The following SPARC variants were observed in gnomAD, a reference collection of about 807,000 sequenced individuals.
SPARC encodes basement-membrane protein 40.
SPARC carries 23 observed loss-of-function variants against 37.7 expected under a neutral mutation model. The observed-to-expected ratio is 0.61, with a 90% CI of 0.44 to 0.87. The LOEUF is 0.87. Among genes scored for constraint, SPARC ranks in the 40% least tolerant of loss-of-function variants. The probability of loss-of-function intolerance (pLI) is 0.00; values close to 1 mark genes in which losing one functional copy is unlikely to be tolerated. For synonymous variants in SPARC, 155 were observed against 150.8 expected, an observed-to-expected ratio of 1.03 and a Z score of -0.20; for missense variants, 312 against 389.0, an observed-to-expected ratio of 0.80 and a Z score of 1.66.
chr5:151,667,710 G>T, intron 6 of SPARC, 110 bp from the exon 7 acceptor site: 1 of 1,239,288 alleles, frequency 8.1e-7, no homozygotes, highest in Non-Finnish European at 1.1e-6. Context: ...TTGGCACAGT[G>T]GCTCAACCTC....
chr5:151,685,190 C>G (rs915067919), intron 1 of SPARC: 1 of 152,158 alleles, frequency 6.6e-6, no homozygotes. Context: ...CCTCCCTCCC[C>G]CTCTTTGCTC....
At chr5:151,680,214 A>ATTTTTTT (rs1258425937) in intron 1 of SPARC, among the ~76,000 whole-genome samples, 11 of 89,980 alleles carry the variant, frequency 1.2e-4, no homozygotes, top group African/African-American at 2.9e-4. Flanking sequence ...AGTGGAAAAC[A>ATTTTTTT]TCTTTTTTTT....
At chr5:151,682,187 G>T (rs1581532273) in intron 1 of SPARC, among the ~76,000 whole-genome samples, 1 of 152,296 alleles carries the variant, frequency 6.6e-6, no homozygotes, top group Non-Finnish European at 1.5e-5. Flanking sequence ...CTTTTAAGGT[G>T]TGGTAGCTAA....
At chr5:151,672,999 C>A in intron 4 of SPARC, 130 bp downstream of exon 4, 1 of 721,126 alleles carries the variant, frequency 1.4e-6, no homozygotes, top group Admixed American at 1.9e-5. Flanking sequence ...AGCCGTGTTT[C>A]CTTCATAGCC....
chr5:151,680,111 T>C (rs767646838), intron 1 of SPARC, among the ~76,000 whole-genome samples: 1 of 152,052 alleles, frequency 6.6e-6, no homozygotes, highest in Non-Finnish European at 1.5e-5. Context: ...TTTTAACCAA[T>C]TTTTTTATTT....
Position 151,673,152 on chromosome 5 carries a change from G to C in SPARC, c.185C>G (p.Thr62Ser), listed in dbSNP as rs1408810385. 6.2e-7 allele frequency: 1 copy of C among 1,613,846 alleles called. No homozygotes were observed. Among genetic ancestry groups the C allele is most frequent in the East Asian group, 2.2e-5 (1 of 44,874 alleles). Reference sequence around the variant, plus strand: ...ACTTTCCGCCACCACCTCCTCTTCGGTTTCCTCTGCACCATCATCAAATTC... The same window carrying C: ...ACTTTCCGCCACCACCTCCTCTTCGCTTTCCTCTGCACCATCATCAAATTC... ...VGEFDDGAEE[T>S]EEEVVAENPC... Residue 62 changes from threonine (T) to serine (S), a missense_variant, in exon 4 of 10, where the codon ACC (threonine) becomes AGC (serine). Coordinates refer to ENST00000231061, the MANE Select transcript of SPARC (RefSeq NM_003118.4).
chr5:151,672,702 A>G (rs1351770083), intron 4 of SPARC: 1 of 196,190 alleles, frequency 5.1e-6, no homozygotes, highest in Non-Finnish European at 1.1e-5. Context: ...TGTGAAATAG[A>G]ATGAGCTTAT....
At chr5:151,680,747 TG>T (rs1760969979) in intron 1 of SPARC, among the ~76,000 whole-genome samples, 1 of 152,128 alleles carries the variant, frequency 6.6e-6, no homozygotes, top group Non-Finnish European at 1.5e-5. Flanking sequence ...TGTTCCCCAA[TG>T]TGTAAAATGG....
rs1267274879 is a variant in SPARC at position 151,676,206 on chromosome 5, G to A, written c.-13-5C>T. On this transcript the variant is annotated splice_polypyrimidine_tract_variant and splice_region_variant and intron_variant, in intron 1 of 9. Coordinates refer to ENST00000231061, the MANE Select transcript of SPARC (RefSeq NM_003118.4). ...GCCCTCATGGTGCTGGGAACCCTATGGGGAGGAGAGATTGAGAGTTCAGTG... is the reference window on the plus strand; with the variant it reads ...GCCCTCATGGTGCTGGGAACCCTATAGGGAGGAGAGATTGAGAGTTCAGTG... 6.2e-7 allele frequency: 1 copy of A among 1,605,694 alleles called. No individual in the cohort carries two copies. The highest frequency in any genetic ancestry group is 2.2e-5 in the East Asian group (1 of 44,760).
chr5:151,669,698 G>A lies in SPARC; in HGVS notation c.417C>T (p.His139=), dbSNP rs1485375628. 4 of 1,614,072 alleles carry A rather than the reference G, an allele frequency of 2.5e-6. No homozygotes were observed. Among genetic ancestry groups the A allele is most frequent in the Non-Finnish European group, 3.4e-6 (4 of 1,180,030 alleles). Residue 139 remains histidine, a synonymous_variant, in exon 6 of 10, where the codon CAC becomes CAT. Coordinates refer to ENST00000231061, the MANE Select transcript of SPARC (RefSeq NM_003118.4). ...KCTLEGTKKG[H]KLHLDYIGPC... ...GCCCGATGTAGTCCAGGTGGAGCTTGTGGCCCTTCTTGGTGCCCTCCAGGG... is the reference window on the plus strand; with the variant it reads ...GCCCGATGTAGTCCAGGTGGAGCTTATGGCCCTTCTTGGTGCCCTCCAGGG...
chr5:151,663,750 C>A (rs557337074), intron 9 of SPARC, 151 bp from the exon 10 acceptor site: 26 of 742,400 alleles, frequency 3.5e-5, no homozygotes, highest in Non-Finnish European at 6.0e-5. Flanking sequence ...GGAGGAATCT[C>A]GCTCTCTCTG....
intron 6 of SPARC, among the ~76,000 whole-genome samples, chr5:151,669,335 G>T (rs953967101): frequency 9.9e-5 from 15 of 152,190 alleles, no homozygotes; most frequent in Admixed American, 2.6e-4. Context: ...AAGCAAGAAA[G>T]ATTCAACTTA....
intron 2 of SPARC, 93 bp from the exon 3 acceptor site, chr5:151,674,767 G>T: frequency 8.2e-7 from 1 of 1,220,116 alleles, no homozygotes; most frequent in Non-Finnish European, 1.2e-6. Context: ...GGCTAGGGGA[G>T]CTTGGAGAGC....
At chr5:151,683,855 GCA>G (rs1761067052) in intron 1 of SPARC, among the ~76,000 whole-genome samples, 1 of 152,136 alleles carries the variant, frequency 6.6e-6, no homozygotes, top group Non-Finnish European at 1.5e-5. Context: ...CTGTAATGAG[GCA>G]CTTATTTTTA....
rs925814117 is a variant in SPARC at position 151,664,949 on chromosome 5, A to T, written c.735-714T>A. ...TTTTCTTTGTTTCCCAGAGCCCCCA[A>T]CTACTTGTCCCTAAAGATCCACAAA... On this transcript the variant is annotated intron_variant, in intron 8 of 9. Coordinates refer to ENST00000231061, the MANE Select transcript of SPARC (RefSeq NM_003118.4). 4.6e-5 allele frequency among the ~76,000 whole-genome samples: 7 copies of T among 152,126 alleles called. 1 individual carries two copies. The South Asian group carries it at 8.3e-4, about 18-fold the overall frequency.
At position 151,662,536 on chromosome 5, in the gene SPARC, A is replaced by G. The variant is rs1760529062; in HGVS notation, c.*1035T>C. On this transcript the variant is annotated 3_prime_UTR_variant, in exon 10 of 10. Transcript: ENST00000231061. ...TAATAAGAAGCAGCTTTTTCATGAA[A>G]TGCTTGGAGGTGAACGAGTTCTCAG... 6.6e-6 allele frequency: 1 copy of G among 152,610 alleles called. No individual in the cohort carries two copies. Among genetic ancestry groups the G allele is most frequent in the South Asian group, 2.1e-4 (1 of 4,824 alleles). The allele number at this position is 152,610 out of a possible 1,614,324, so 9.5% of individuals were successfully genotyped here.
At chr5:151,671,725 T>G (rs1208167931) in intron 4 of SPARC, 31 bp from the exon 5 acceptor site, 1 of 1,612,500 alleles carries the variant, frequency 6.2e-7, no homozygotes, top group East Asian at 2.2e-5. Context: ...GGAGTTAGCA[T>G]CACCTGGACT....
chr5:151,678,131 T>TAAAAC (rs1760903280), intron 1 of SPARC, among the ~76,000 whole-genome samples: 1 of 152,158 alleles, frequency 6.6e-6, no homozygotes, highest in African/African-American at 2.4e-5. Flanking sequence ...AAATAGCAGC[T>TAAAAC]AAAACAAAAC....
In SPARC at chr5:151,674,608, A is replaced by G. The variant is rs752039651; in HGVS notation, c.120+4T>C. On this transcript the variant is annotated splice_donor_region_variant and intron_variant, in intron 3 of 9. Transcript: ENST00000231061. The stretch of plus-strand genomic sequence containing the variant: ...CTAAGGGGCTGCGGTCACTGCCCAC[A>G]TACCTCAGTCACCTCTGCCACAGTT... The G allele has an allele frequency of 1.2e-6, 2 of 1,613,810 alleles. No individual in the cohort carries two copies. The highest frequency in any genetic ancestry group is 1.7e-6 in the Non-Finnish European group (2 of 1,179,842).
Sources: gnomAD v4.1 joint callset for allele counts (sites outside exome capture counted in the v4.1 genomes callset) on GRCh38, gnomAD v4.1.1 for gene constraint, MANE v1.5 for transcripts, NCBI Gene and HGNC (gene_info 2026-07-23, HGNC 2026-07-21) for gene names.